The following NRXN1 variants were observed in gnomAD, a reference collection of about 807,000 sequenced individuals.
The protein encoded by NRXN1 is neurexin-1.
NRXN1 carries 39 observed loss-of-function variants against 150.9 expected under a neutral mutation model. The observed-to-expected ratio is 0.26, with a 90% CI of 0.20 to 0.34. The LOEUF is 0.34. NRXN1 is among the 10% of genes least tolerant of loss of function. The pLI, the probability that NRXN1 is intolerant of heterozygous loss-of-function variation, is 1.00. For missense variants in NRXN1, 1,815 were observed against 1,949.9 expected, an observed-to-expected ratio of 0.93 and a Z score of 1.30; for synonymous variants, 924 against 757.0, an observed-to-expected ratio of 1.22 and a Z score of -3.62.
chr2:50,313,468 G>T (rs924442021), intron 17 of NRXN1, among the ~76,000 whole-genome samples: 3 of 152,092 alleles, frequency 2.0e-5, no homozygotes, highest in Non-Finnish European at 4.4e-5. Flanking sequence ...CAGTCTCCCT[G>T]CCATGAAAGC....
chr2:50,987,048 G>A (rs1169657004), intron 2 of NRXN1, among the ~76,000 whole-genome samples: 1 of 151,748 alleles, frequency 6.6e-6, no homozygotes, highest in African/African-American at 2.4e-5. Context: ...GCACTTATGT[G>A]ACTTCTACAA....
intron 5 of NRXN1, among the ~76,000 whole-genome samples, chr2:50,635,291 G>A (rs1683063624): frequency 6.6e-6 from 1 of 151,572 alleles, no homozygotes; most frequent in South Asian, 2.1e-4. Context: ...CCAAGTAGCT[G>A]GGATTACAGG....
At chr2:50,069,560 A>C (rs553562180) in intron 19 of NRXN1, among the ~76,000 whole-genome samples, 1 of 152,238 alleles carries the variant, frequency 6.6e-6, no homozygotes, top group East Asian at 1.9e-4. Flanking sequence ...TCTTTTCTTC[A>C]TCTCTCTCTG....
intron 5 of NRXN1, among the ~76,000 whole-genome samples, chr2:50,722,229 T>C (rs1696757573): frequency 6.6e-6 from 1 of 152,098 alleles, no homozygotes; most frequent in African/African-American, 2.4e-5. Context: ...GGCAAAATAA[T>C]TAAAAAATAT....
intron 8 of NRXN1, among the ~76,000 whole-genome samples, chr2:50,597,129 G>C (rs570556037): frequency 3.9e-5 from 6 of 152,148 alleles, no homozygotes; most frequent in Admixed American, 1.3e-4. Context: ...TCAGGAACGA[G>C]TCACCGTGCC....
At chr2:50,608,564 T>C (rs1415598788) in intron 8 of NRXN1, among the ~76,000 whole-genome samples, 1 of 152,188 alleles carries the variant, frequency 6.6e-6, no homozygotes, top group Non-Finnish European at 1.5e-5. Context: ...TCCTATATCT[T>C]CTATGTAGCT....
At position 50,711,798 on chromosome 2, in the gene NRXN1, T is replaced by A. The variant is rs1401736024; in HGVS notation, c.833-88183A>T. On this transcript the variant is annotated intron_variant, in intron 5 of 22. Coordinates refer to ENST00000401669, the MANE Select transcript of NRXN1 (RefSeq NM_001330078.2). Reference sequence around the variant, plus strand: ...GAACTCTCATAAAGGAATTAGTGCCTCTTTATAACGGGCCTCTGGAAGTGG... The same window carrying A: ...GAACTCTCATAAAGGAATTAGTGCCACTTTATAACGGGCCTCTGGAAGTGG... Among the ~76,000 whole-genome samples the A allele has an allele frequency of 2.6e-5, 4 of 152,158 alleles. No homozygotes were observed. The East Asian group carries it at 7.7e-4, about 29-fold the overall frequency.
chr2:49,935,654 T>C (rs1670902813), intron 22 of NRXN1, among the ~76,000 whole-genome samples: 1 of 152,240 alleles, frequency 6.6e-6, no homozygotes, highest in African/African-American at 2.4e-5. Flanking sequence ...TATTGGCTCC[T>C]CATGGAGGCA....
intron 17 of NRXN1, among the ~76,000 whole-genome samples, chr2:50,244,634 G>A (rs1242425950): frequency 4.0e-5 from 6 of 151,840 alleles, no homozygotes; most frequent in Non-Finnish European, 7.4e-5. Flanking sequence ...TTCATTAAAG[G>A]TAAATATTAG....
At chr2:50,686,136 A>C (rs1418026271) in intron 5 of NRXN1, among the ~76,000 whole-genome samples, 1 of 152,198 alleles carries the variant, frequency 6.6e-6, no homozygotes, top group African/African-American at 2.4e-5. Flanking sequence ...CCTTCTAGCA[A>C]AAAACAAACA....
chr2:50,266,536 T>TATACACAC (rs749472516), intron 17 of NRXN1, among the ~76,000 whole-genome samples: 17 of 112,800 alleles, frequency 1.5e-4, no homozygotes, highest in African/African-American at 3.8e-4. Flanking sequence ...TGTATATAAA[T>TATACACAC]ACACACACAC....
chr2:50,357,592 G>GGC (rs2078911459), intron 17 of NRXN1, among the ~76,000 whole-genome samples: 1 of 152,136 alleles, frequency 6.6e-6, no homozygotes, highest in Non-Finnish European at 1.5e-5. Context: ...ACAGGCATGA[G>GGC]CTACCGCGCC....
chr2:50,181,440 G>A (rs986412934), intron 18 of NRXN1, among the ~76,000 whole-genome samples: 1 of 152,016 alleles, frequency 6.6e-6, no homozygotes, highest in Non-Finnish European at 1.5e-5. Context: ...GGTAGATGCG[G>A]CATTATCTTA....
intron 5 of NRXN1, among the ~76,000 whole-genome samples, chr2:50,736,727 A>T (rs991126646): frequency 2.6e-5 from 4 of 152,122 alleles, no homozygotes; most frequent in African/African-American, 9.7e-5. Flanking sequence ...CTCTCCAGAC[A>T]TGTGGAACTG....
At chr2:50,137,403 A>G (rs1336248793) in intron 18 of NRXN1, among the ~76,000 whole-genome samples, 3 of 152,082 alleles carry the variant, frequency 2.0e-5, no homozygotes, top group Non-Finnish European at 4.4e-5. Flanking sequence ...CAGTCTAGGG[A>G]AAGTTCATGG....
At chr2:50,687,897 G>A (rs1691484797) in intron 5 of NRXN1, among the ~76,000 whole-genome samples, 1 of 152,106 alleles carries the variant, frequency 6.6e-6, no homozygotes, top group Non-Finnish European at 1.5e-5. Flanking sequence ...ACTCATGTGA[G>A]GCTTTAGGCA....
intron 18 of NRXN1, among the ~76,000 whole-genome samples, chr2:50,230,674 G>T (rs1434259470): frequency 6.6e-6 from 1 of 151,942 alleles, no homozygotes; most frequent in Non-Finnish European, 1.5e-5. Flanking sequence ...AATTTCAGAT[G>T]AGGAAATAAC....
At chr2:50,698,308 T>C (rs1045745618) in intron 5 of NRXN1, among the ~76,000 whole-genome samples, 4 of 152,196 alleles carry the variant, frequency 2.6e-5, no homozygotes, top group African/African-American at 9.6e-5. Flanking sequence ...ATCTCACAAA[T>C]ATACAACGGT....
intron 15 of NRXN1, among the ~76,000 whole-genome samples, chr2:50,476,538 C>T (rs187132003): frequency 1.8e-3 from 228 of 126,862 alleles, no homozygotes; most frequent in Non-Finnish European, 2.9e-3. Context: ...GGACTTAGCC[C>T]GTCATTGATA....
Sources: allele counts gnomAD v4.1 joint callset (sites outside exome capture counted in the v4.1 genomes callset), GRCh38; gene constraint gnomAD v4.1.1; transcripts MANE v1.5; gene names NCBI Gene and HGNC (gene_info 2026-07-23, HGNC 2026-07-21).